Variants in NDE1 observed in about 807,000 individuals in gnomAD.
The protein encoded by NDE1 is nudE neurodevelopment protein 1, also known as nuclear distribution protein nudE homolog 1.
Under a neutral mutation model 43.4 loss-of-function variants are expected in NDE1, and 28 were observed. That is an observed-to-expected ratio of 0.65 (90% CI 0.48 to 0.89). The LOEUF (loss-of-function observed/expected upper bound fraction) is 0.89, where lower values mean the gene tolerates loss of function less well. NDE1 is among the 40% of genes least tolerant of loss of function. The probability of loss-of-function intolerance (pLI) is 0.00; values close to 1 mark genes in which losing one functional copy is unlikely to be tolerated. For missense variants in NDE1, 441 were observed against 434.1 expected, an observed-to-expected ratio of 1.02 and a Z score of -0.14; for synonymous variants, 184 against 172.0, an observed-to-expected ratio of 1.07 and a Z score of -0.55.
chr16:15,653,548 C>G (rs989655009), intron 1 of NDE1, among the ~76,000 whole-genome samples: 2 of 152,018 alleles, frequency 1.3e-5, no homozygotes, highest in African/African-American at 4.8e-5. Flanking sequence ...TCGATGGTTT[C>G]TGTATGTTTA....
intron 1 of NDE1, among the ~76,000 whole-genome samples, chr16:15,661,816 A>G (rs957476021): frequency 1.3e-5 from 2 of 152,132 alleles, no homozygotes; most frequent in East Asian, 1.9e-4. Flanking sequence ...GAGCCCCAGA[A>G]GATGTCCTCA....
chr16:15,649,160 C>G (rs868573063), upstream of NDE1, among the ~76,000 whole-genome samples: 46 of 152,308 alleles, frequency 3.0e-4, 1 homozygote, highest in South Asian at 1.2e-3. Context: ...CACGCCACTG[C>G]ATTCCAGCCT....
At chr16:15,653,919 G>A (rs1190099055) in intron 1 of NDE1, among the ~76,000 whole-genome samples, 2 of 151,988 alleles carry the variant, frequency 1.3e-5, no homozygotes, top group East Asian at 3.9e-4. Flanking sequence ...TGGTAGAGAT[G>A]GGGTTTCACC....
At position 15,724,267 on chromosome 16, in the gene NDE1, T is replaced by G; in HGVS notation, c.*16T>G. The stretch of plus-strand genomic sequence containing the variant: ...CTCCTGCTGAAGCCTGTTCTTGGTC[T>G]TTTCCAGTTTATCATAAGCGGCCGC... On this transcript the variant is annotated 3_prime_UTR_variant, in exon 9 of 9. Coordinates refer to ENST00000396354, the MANE Select transcript of NDE1 (RefSeq NM_017668.3). 1 of 1,614,226 alleles carries G rather than the reference T, an allele frequency of 6.2e-7. No individual in the cohort carries two copies. The highest frequency in any genetic ancestry group is 1.1e-5 in the South Asian group (1 of 91,082).
chr16:15,679,782 G>GT (rs71134447), intron 4 of NDE1, among the ~76,000 whole-genome samples: 1 of 151,634 alleles, frequency 6.6e-6, no homozygotes, highest in Non-Finnish European at 1.5e-5. Flanking sequence ...GTTGTTTTTT[G>GT]TTTTTGTTTT....
intron 2 of NDE1, among the ~76,000 whole-genome samples, chr16:15,666,810 G>T (rs1431504981): frequency 6.6e-6 from 1 of 152,158 alleles, no homozygotes; most frequent in Non-Finnish European, 1.5e-5. Context: ...TTTCTGTAGA[G>T]ATGAGGTCTT....
Position 15,720,799 on chromosome 16 carries a change from C to T in NDE1, c.948-3392C>T, listed in dbSNP as rs944756565. The T allele has an allele frequency of 3.7e-6, 6 of 1,603,974 alleles. No homozygotes were observed. The African/African-American group carries it at 6.7e-5, about 18-fold the overall frequency. ...GAGTGGTGATAGGAATGAAAAAGGC[C>T]ACCCGACCTCCCTCTGCTGGCCTCC... On this transcript the variant is annotated intron_variant, in intron 8 of 8. Coordinates refer to ENST00000396354, the MANE Select transcript of NDE1 (RefSeq NM_017668.3).
chr16:15,696,935 C>G (rs1448669380), intron 8 of NDE1, 75 bp downstream of exon 8: 2 of 1,583,438 alleles, frequency 1.3e-6, no homozygotes, highest in African/African-American at 1.4e-5. Context: ...TCACCCCCAG[C>G]CCACAGCCAT....
chr16:15,704,031 G>A (rs1448853511), intron 8 of NDE1: 1 of 1,614,118 alleles, frequency 6.2e-7, no homozygotes, highest in South Asian at 1.1e-5. Flanking sequence ...TGCGTCTCGA[G>A]TGTCCGTTTC....
chr16:15,679,789 TTTTTG>T (rs1212601872), intron 4 of NDE1, among the ~76,000 whole-genome samples: 1 of 152,126 alleles, frequency 6.6e-6, no homozygotes, highest in African/African-American at 2.4e-5. Context: ...TTTGTTTTTG[TTTTTG>T]TTTTAAGACA....
chr16:15,673,184 G>A (rs772945494), intron 3 of NDE1, among the ~76,000 whole-genome samples: 8 of 151,926 alleles, frequency 5.3e-5, no homozygotes, highest in Non-Finnish European at 7.4e-5. Flanking sequence ...TCTTATGTTT[G>A]TAGAATCTAG....
intron 8 of NDE1, chr16:15,718,634 A>T: frequency 2.5e-6 from 2 of 792,346 alleles, no homozygotes; most frequent in South Asian, 3.7e-5. Flanking sequence ...GGTCCGTGTC[A>T]GCAAAGCTGG....
chr16:15,719,746 T>A (rs573964972), intron 8 of NDE1: 134 of 1,613,636 alleles, frequency 8.3e-5, no homozygotes, highest in Admixed American at 1.8e-4. Flanking sequence ...CAAGCTCAGA[T>A]GTCCTTACTC....
At chr16:15,683,741 G>A (rs2038297559) in intron 4 of NDE1, among the ~76,000 whole-genome samples, 1 of 152,208 alleles carries the variant, frequency 6.6e-6, no homozygotes, top group South Asian at 2.1e-4. Flanking sequence ...AAATACGCTA[G>A]GTGAGATAGC....
At chr16:15,704,250 AACAC>A (rs747874749) in intron 8 of NDE1, 12 of 1,029,972 alleles carry the variant, frequency 1.2e-5, no homozygotes, top group Admixed American at 2.1e-5. Flanking sequence ...TATGGCAGAA[AACAC>A]ACACGGCACA....
At chr16:15,678,479 C>T (rs950031755) in intron 4 of NDE1, among the ~76,000 whole-genome samples, 10 of 152,148 alleles carry the variant, frequency 6.6e-5, no homozygotes, top group African/African-American at 2.4e-4. Context: ...ATTCTCATGC[C>T]TCAGGCTCCT....
rs140395834 is a variant in NDE1, at chr16:15,721,485, G to C, written c.948-2706G>C. ...CCATTTCGGCTTTGAGCATTTTGTT[G>C]GTCCGCTCGAGTTCCTCTTTGGCTT... On this transcript the variant is annotated intron_variant, in intron 8 of 8. Transcript: ENST00000396354. 20 of 1,614,032 alleles carry C rather than the reference G, an allele frequency of 1.2e-5. No homozygotes were observed. Among genetic ancestry groups the C allele is most frequent in the Non-Finnish European group, 1.6e-5 (19 of 1,180,042 alleles).
chr16:15,695,948 G>A (rs2038988826), intron 7 of NDE1: 1 of 152,980 alleles, frequency 6.5e-6, no homozygotes, highest in Admixed American at 6.6e-5. Flanking sequence ...GATTCCAGAA[G>A]TGGATTTCCT....
At chr16:15,658,157 G>A (rs2036863109) in intron 1 of NDE1, among the ~76,000 whole-genome samples, 1 of 152,186 alleles carries the variant, frequency 6.6e-6, no homozygotes, top group Non-Finnish European at 1.5e-5. Context: ...ATAGCAAGAT[G>A]ACCACCGGCA....
Sources: allele counts gnomAD v4.1 joint callset (sites outside exome capture counted in the v4.1 genomes callset), GRCh38; gene constraint gnomAD v4.1.1; transcripts MANE v1.5; gene names NCBI Gene and HGNC (gene_info 2026-07-23, HGNC 2026-07-21).